The following ZNF182 variants were observed in gnomAD, a reference collection of about 807,000 sequenced individuals.
ZNF182 encodes the protein zinc finger protein 21 (KOX 14).
ZNF182 carries 10 observed loss-of-function variants against 28.1 expected under a neutral mutation model. That is an observed-to-expected ratio of 0.36 (90% CI 0.22 to 0.60). ZNF182 has a LOEUF of 0.60. Ranked by LOEUF, ZNF182 falls within the 20% of genes least tolerant of loss-of-function variation. The pLI is 0.75. For missense variants in ZNF182, 352 were observed against 453.2 expected, an observed-to-expected ratio of 0.78 and a Z score of 2.03; for synonymous variants, 156 against 158.7, an observed-to-expected ratio of 0.98 and a Z score of 0.13.
intron 5 of ZNF182, among the ~76,000 whole-genome samples, chrX:47,982,015 C>T (rs1331354180): frequency 9.0e-6 from 1 of 111,510 alleles, no homozygotes; most frequent in Non-Finnish European, 1.9e-5. Context: ...AAAATGTGTA[C>T]ATCAATGTTC....
Position 47,975,973 on chromosome X carries a change from C to T in ZNF182, c.*194G>A. The stretch of plus-strand genomic sequence containing the variant: ...CCTCTCATTAGGGTTGCAGCTGTCT[C>T]CTAATTTTGTCAGATACAGAGATTA... On this transcript the variant is annotated 3_prime_UTR_variant, in exon 6 of 6. Coordinates refer to ENST00000376943, the MANE Select transcript of ZNF182 (RefSeq NM_001007088.2). 1 of 371,931 alleles carries T rather than the reference C, an allele frequency of 2.7e-6. No individual in the cohort carries two copies. Among genetic ancestry groups the T allele is most frequent in the South Asian group, 8.4e-5 (1 of 11,972 alleles). The allele number at this position is 371,931 out of a possible 1,213,427, so 30.7% of individuals were successfully genotyped here. A position where few individuals can be genotyped will look rare whatever the true frequency, so the allele number is the denominator to read the frequency against.
chrX:47,979,287 T>C (rs782300882), intron 5 of ZNF182, among the ~76,000 whole-genome samples: 1 of 112,052 alleles, frequency 8.9e-6, no homozygotes, highest in Non-Finnish European at 1.9e-5. Flanking sequence ...GCATTAGTTC[T>C]TAACCAGAGA....
rs139887148 is a variant in ZNF182 at position 47,982,357 on chromosome X, A to G, written c.232+592T>C. On this transcript the variant is annotated intron_variant, in intron 5 of 5. Coordinates refer to ENST00000376943, the MANE Select transcript of ZNF182 (RefSeq NM_001007088.2). Reference sequence around the variant, plus strand: ...TGCTAGGGAGTAGGGGCTTCTTTTCAGTGTGATGAACACGTTCTAGAATTA... The same window carrying G: ...TGCTAGGGAGTAGGGGCTTCTTTTCGGTGTGATGAACACGTTCTAGAATTA... Among the ~76,000 whole-genome samples, 1,076 of 112,214 alleles carry G rather than the reference A, an allele frequency of 9.6e-3. 16 individuals carry two copies. Among genetic ancestry groups the G allele is most frequent in the African/African-American group, 0.034 (1,035 of 30,887 alleles).
intron 2 of ZNF182, among the ~76,000 whole-genome samples, chrX:48,002,861 T>C (rs1556902071): frequency 8.9e-6 from 1 of 112,475 alleles, no homozygotes; most frequent in East Asian, 2.8e-4. Context: ...TACACATATA[T>C]TAAATTGTGT....
intron 3 of ZNF182, among the ~76,000 whole-genome samples, chrX:47,995,449 T>C (rs2058955687): frequency 8.9e-6 from 1 of 111,951 alleles, no homozygotes; most frequent in African/African-American, 3.2e-5. Flanking sequence ...GCAAGTAAAC[T>C]TCAAGGTAAA....
chrX:47,984,758 AAT>A (rs2058918068), intron 3 of ZNF182, among the ~76,000 whole-genome samples: 1 of 112,346 alleles, frequency 8.9e-6, no homozygotes, highest in Non-Finnish European at 1.9e-5. Flanking sequence ...CTGCAAATCA[AAT>A]ATCTGGCAAA....
intron 3 of ZNF182, chrX:47,988,645 T>C: frequency 2.8e-6 from 1 of 358,967 alleles, no homozygotes; most frequent in East Asian, 4.3e-5. Context: ...CACTTTTCTT[T>C]ATAACTTTTT....
intron 3 of ZNF182, among the ~76,000 whole-genome samples, chrX:47,994,543 G>A (rs2058951857): frequency 8.9e-6 from 1 of 111,977 alleles, no homozygotes; most frequent in African/African-American, 3.2e-5. Flanking sequence ...AGAGGAAGGG[G>A]TGGAAAGAGA....
intron 3 of ZNF182, among the ~76,000 whole-genome samples, chrX:48,001,892 G>GT (rs1263069001): frequency 9.0e-6 from 1 of 111,279 alleles, no homozygotes; most frequent in Non-Finnish European, 1.9e-5. Flanking sequence ...GCATGAAGGA[G>GT]TTTTTTTGGG....
Position 47,976,584 on chromosome X carries a change from G to A in ZNF182, c.1446C>T (p.Leu482=). Residue 482 remains leucine (L), a synonymous_variant, in exon 6 of 6, where the codon CTC becomes CTT. Coordinates refer to ENST00000376943, the MANE Select transcript of ZNF182 (RefSeq NM_001007088.2). ...CEKAFSQKSY[L]IIHQRTHTEE... ...CTGTATGAGTTCTTTGATGTATAAT[G>A]AGATATGATTTCTGTGAAAATGCTT... 8.3e-7 allele frequency: 1 copy of A among 1,209,877 alleles called. No homozygotes were observed. Among genetic ancestry groups the A allele is most frequent in the Non-Finnish European group, 1.1e-6 (1 of 894,711 alleles).
chrX:47,983,590 C>A (rs1299695829), intron 3 of ZNF182, among the ~76,000 whole-genome samples, 179 bp from the exon 4 acceptor site: 1 of 111,221 alleles, frequency 9.0e-6, no homozygotes, highest in African/African-American at 3.3e-5. Flanking sequence ...TAAAAAAAAA[C>A]TAAGTAAGAG....
chrX:47,993,834 A>G (rs1305585116), intron 3 of ZNF182, among the ~76,000 whole-genome samples: 1 of 111,575 alleles, frequency 9.0e-6, no homozygotes, highest in Non-Finnish European at 1.9e-5. Flanking sequence ...CTCAATCTGA[A>G]AAACAAGAAA....
Position 47,977,301 on chromosome X carries a change from A to G in ZNF182, c.729T>C (p.Phe243=). The G allele has an allele frequency of 8.3e-7, 1 of 1,211,175 alleles. No individual in the cohort carries two copies. Among genetic ancestry groups the G allele is most frequent in the South Asian group, 1.8e-5 (1 of 56,830 alleles). Residue 243 remains phenylalanine, a synonymous_variant, in exon 6 of 6, where the codon TTT becomes TTC. Transcript: ENST00000376943. ...AAGCTTTTCCACATTCGGTACATCC[A>G]AAAGGTTTCTCTCCCGTATGAGTTC... ...HWRTHTGEKP[F]GCTECGKAFS...
chrX:47,976,568 T>G lies in ZNF182; in HGVS notation c.1462A>C (p.Thr488Pro). The G allele has an allele frequency of 1.7e-6, 2 of 1,209,182 alleles. No homozygotes were observed. The highest frequency in any genetic ancestry group is 2.2e-6 in the Non-Finnish European group (2 of 894,627). Residue 488 changes from threonine to proline, a missense_variant, in exon 6 of 6, where the codon ACT becomes CCT. Coordinates refer to ENST00000376943, the MANE Select transcript of ZNF182 (RefSeq NM_001007088.2). The stretch of plus-strand genomic sequence containing the variant: ...TTATAGGGTTTTTCTTCTGTATGAG[T>G]TCTTTGATGTATAATGAGATATGAT... ...QKSYLIIHQR[T>P]HTEEKPYKCN... is the part of the protein sequence containing the mutation.
intron 3 of ZNF182, among the ~76,000 whole-genome samples, chrX:48,000,240 G>C (rs782746032): frequency 3.0e-4 from 33 of 111,485 alleles, no homozygotes; most frequent in Non-Finnish European, 4.3e-4. Flanking sequence ...GATGAAACCT[G>C]ACCTAATCCT....
Position 47,976,136 on chromosome X carries a change from G to C in ZNF182, c.*31C>G. The stretch of plus-strand genomic sequence containing the variant: ...GTAAAATTGACACAACTTTCTTTCA[G>C]TGTCCATAATAGATACTGCTGATTA... On this transcript the variant is annotated 3_prime_UTR_variant, in exon 6 of 6. Coordinates refer to ENST00000376943, the MANE Select transcript of ZNF182 (RefSeq NM_001007088.2). The C allele has an allele frequency of 9.4e-7, 1 of 1,062,373 alleles. No homozygotes were observed. Among genetic ancestry groups the C allele is most frequent in the Non-Finnish European group, 1.2e-6 (1 of 816,125 alleles). The allele number at this position is 1,062,373 out of a possible 1,213,427, so 87.6% of individuals were successfully genotyped here. A position where few individuals can be genotyped will look rare whatever the true frequency, so the allele number is the denominator to read the frequency against.
At chrX:47,983,756 G>C (rs1350383797) in intron 3 of ZNF182, among the ~76,000 whole-genome samples, 1 of 111,710 alleles carries the variant, frequency 9.0e-6, no homozygotes, top group East Asian at 2.8e-4. Context: ...ATGTGGATGG[G>C]TTATTAGATA....
In ZNF182 at chrX:47,979,866, GGTGTGTGTGT is replaced by G. The variant is rs56350180; in HGVS notation, c.233-2079_233-2070del. On this transcript the variant is annotated intron_variant, in intron 5 of 5. Transcript: ENST00000376943. The stretch of plus-strand genomic sequence containing the variant: ...TGAAGGGTTTTTAAAGTGTGTGTGG[GGTGTGTGTGT>G]GTGTGTGTGTGTGTGTGTGTGTGTG... Among the ~76,000 whole-genome samples the G allele has an allele frequency of 3.3e-3, 300 of 89,776 alleles. 2 individuals carry two copies. Among genetic ancestry groups the G allele is most frequent in the African/African-American group, 0.01 (249 of 24,399 alleles). The allele number at this position is 89,776 out of a possible 115,157, so 78.0% of individuals were successfully genotyped here.
intron 5 of ZNF182, among the ~76,000 whole-genome samples, chrX:47,980,634 G>A (rs1328107693): frequency 1.8e-5 from 2 of 111,205 alleles, no homozygotes; most frequent in Non-Finnish European, 3.8e-5. Flanking sequence ...AGTAGGAAAT[G>A]AATAAATATA....
Sources: gnomAD v4.1 joint callset for allele counts (sites outside exome capture counted in the v4.1 genomes callset) on GRCh38, gnomAD v4.1.1 for gene constraint, MANE v1.5 for transcripts, NCBI Gene and HGNC (gene_info 2026-07-23, HGNC 2026-07-21) for gene names.